MTA3: variants seen among roughly 807,000 people sequenced by gnomAD.
MTA3 encodes metastasis associated 1 family member 3.
A neutral mutation model predicts 83.5 loss-of-function variants in MTA3; 34 were observed. The observed-to-expected ratio is 0.41, with a 90% confidence interval of 0.31 to 0.54. MTA3 has a LOEUF of 0.54. Among genes scored for constraint, MTA3 ranks in the 20% least tolerant of loss-of-function variants. MTA3 has a pLI of 0.33. For synonymous variants in MTA3, 303 were observed against 252.7 expected (o/e 1.20, Z -1.89); for missense variants, 761 against 726.4 (o/e 1.05, Z -0.55).
chr2:42,567,247 A>AG (rs35471199), upstream of MTA3, among the ~76,000 whole-genome samples: 1 of 152,212 alleles, frequency 6.6e-6, no homozygotes, highest in African/African-American at 2.4e-5. Flanking sequence ...ACACCTGTGA[A>AG]GGGGGAACTC....
At position 42,611,956 on chromosome 2, in the gene MTA3, T is replaced by C. The variant is rs574487801; in HGVS notation, c.317+2372T>C. On this transcript the variant is annotated intron_variant, in intron 4 of 16. Coordinates refer to ENST00000405094, the MANE Select transcript of MTA3 (RefSeq NM_001330442.2). ...GGCTGGGACTACAAGTGCTTTCTGC[T>C]ATGGCCTGCTATTTAGGATTTTTAT... Among the ~76,000 whole-genome samples, 46 of 152,190 alleles carry C rather than the reference T, an allele frequency of 3.0e-4. 1 individual carries two copies. Among genetic ancestry groups the C allele is most frequent in the Non-Finnish European group, 5.4e-4 (37 of 68,032 alleles).
intron 14 of MTA3, among the ~76,000 whole-genome samples, chr2:42,718,268 A>G (rs1667166670): frequency 6.6e-6 from 1 of 151,748 alleles, no homozygotes; most frequent in Admixed American, 6.6e-5. Flanking sequence ...TATTATTGAG[A>G]TGGAGTTTCG....
At chr2:42,724,397 C>G (rs1667668944) in intron 16 of MTA3, among the ~76,000 whole-genome samples, 1 of 150,252 alleles carries the variant, frequency 6.7e-6, no homozygotes, top group South Asian at 2.1e-4. Flanking sequence ...TGCTTGTAAT[C>G]CCAACACTTT....
At chr2:42,511,120 A>C (rs1312899354) in intron 2 of MTA3, among the ~76,000 whole-genome samples, 1 of 152,126 alleles carries the variant, frequency 6.6e-6, no homozygotes, top group East Asian at 1.9e-4. Flanking sequence ...TAGAGGAAAG[A>C]CTGGGACTGG....
At chr2:42,587,358 A>G (rs1374989514) in intron 3 of MTA3, among the ~76,000 whole-genome samples, 1 of 152,192 alleles carries the variant, frequency 6.6e-6, no homozygotes, top group African/African-American at 2.4e-5. Context: ...TAAAAGATAC[A>G]AAAATGTATT....
intron 2 of MTA3, among the ~76,000 whole-genome samples, chr2:42,509,082 G>A (rs961179534): frequency 1.3e-5 from 2 of 151,122 alleles, no homozygotes; most frequent in Non-Finnish European, 1.5e-5. Context: ...TTGCTCTGTC[G>A]CCCAGGCTGG....
chr2:42,611,890 G>C (rs569384607), intron 4 of MTA3, among the ~76,000 whole-genome samples: 30 of 152,280 alleles, frequency 2.0e-4, no homozygotes, highest in African/African-American at 6.7e-4. Flanking sequence ...GCCCAGATTG[G>C]TCATGAGCTC....
At position 42,754,414 on chromosome 2, in the gene MTA3, C is replaced by T. The variant is rs1254148340; in HGVS notation, c.*1015C>T. The T allele has an allele frequency of 4.1e-6, 4 of 985,320 alleles. No homozygotes were observed. In the African/African-American group the frequency reaches 7.0e-5, roughly 17 times the overall value. The allele number at this position is 985,320 out of a possible 1,614,324, so 61.0% of individuals were successfully genotyped here. ...CCCAACATCTTGTGAGCACATGTGA[C>T]CTAGGCCCCGGGGGACCTGCCTGCT... On this transcript the variant is annotated 3_prime_UTR_variant, in exon 17 of 17. Transcript: ENST00000405094.
At chr2:42,630,921 A>T (rs746633569) in intron 4 of MTA3, among the ~76,000 whole-genome samples, 1 of 152,192 alleles carries the variant, frequency 6.6e-6, no homozygotes, top group Non-Finnish European at 1.5e-5. Context: ...ACAAGTTTTT[A>T]TGGATATGTT....
At chr2:42,644,644 G>A (rs111503532) in intron 6 of MTA3, among the ~76,000 whole-genome samples, 7 of 152,156 alleles carry the variant, frequency 4.6e-5, no homozygotes, top group African/African-American at 1.4e-4. Flanking sequence ...TAAGTCATTT[G>A]GTGCCATTTT....
chr2:42,554,852 C>T (rs549936448), intron 2 of MTA3, among the ~76,000 whole-genome samples: 1 of 152,154 alleles, frequency 6.6e-6, no homozygotes, highest in Non-Finnish European at 1.5e-5. Context: ...AGGATGGGTT[C>T]ATGGCTGCCT....
chr2:42,573,855 G>A (rs1341115378), intron 2 of MTA3, among the ~76,000 whole-genome samples: 1 of 151,236 alleles, frequency 6.6e-6, no homozygotes, highest in Admixed American at 6.6e-5. Context: ...GTCTCGCTCC[G>A]TCGACCAGGC....
In MTA3 at chr2:42,729,096, T is replaced by TTTTTTTTG. The variant is rs1281088801; in HGVS notation, c.1759+6068_1759+6069insGTTTTTTT. Among the ~76,000 whole-genome samples the TTTTTTTTG allele has an allele frequency of 2.0e-3, 240 of 120,604 alleles. 8 individuals carry two copies. Among genetic ancestry groups the TTTTTTTTG allele is most frequent in the Non-Finnish European group, 3.1e-3 (180 of 58,254 alleles). 79.1% of individuals were successfully genotyped at this position (120,604 alleles called of 152,430 possible). ...AGTTTCACAGTTTGAGTTTTTTTTT[T>TTTTTTTTG]TTTTTTTTTTTTTTTTTCACAGAGT... is the stretch of plus-strand genomic sequence containing the variant. On this transcript the variant is annotated intron_variant, in intron 16 of 16. Coordinates refer to ENST00000405094, the MANE Select transcript of MTA3 (RefSeq NM_001330442.2).
chr2:42,711,325 G>A lies in MTA3; in HGVS notation c.1525+2229G>A, dbSNP rs148073584. On this transcript the variant is annotated intron_variant, in intron 14 of 16. Coordinates refer to ENST00000405094, the MANE Select transcript of MTA3 (RefSeq NM_001330442.2). Reference sequence around the variant, plus strand: ...ATGAAGTATATTTTTCTTTTATCTCGTTCTAATTTTTTTCTCAATTGACGG... The same window carrying A: ...ATGAAGTATATTTTTCTTTTATCTCATTCTAATTTTTTTCTCAATTGACGG... Among the ~76,000 whole-genome samples the A allele has an allele frequency of 2.7e-3, 405 of 151,976 alleles. 8 individuals carry two copies. Among genetic ancestry groups the A allele is most frequent in the Admixed American group, 0.021 (328 of 15,272 alleles).
intron 3 of MTA3, among the ~76,000 whole-genome samples, chr2:42,596,219 A>G (rs1006372107): frequency 3.3e-5 from 5 of 152,222 alleles, no homozygotes; most frequent in Admixed American, 6.5e-5. Context: ...TGAAGTGTGT[A>G]GGCACATAGA....
intron 16 of MTA3, among the ~76,000 whole-genome samples, chr2:42,751,268 A>AG (rs1669853056): frequency 6.6e-6 from 1 of 152,250 alleles, no homozygotes; most frequent in African/African-American, 2.4e-5. Context: ...AAACAAAAAA[A>AG]TAAGTGCCTG....
In MTA3 at chr2:42,568,679, G is replaced by A; in HGVS notation, c.-67G>A. On this transcript the variant is annotated 5_prime_UTR_variant, in exon 1 of 17. Transcript: ENST00000405094. ...GGCGGCGGCAGCGGCGGTCGCGGCT[G>A]AGGCTGAGGAGGAGGCGGCGGCGGC... 1 of 1,168,392 alleles carries A rather than the reference G, an allele frequency of 8.6e-7. No individual in the cohort carries two copies. The highest frequency in any genetic ancestry group is 1.1e-6 in the Non-Finnish European group (1 of 942,538). The allele number at this position is 1,168,392 out of a possible 1,614,324, so 72.4% of individuals were successfully genotyped here.
chr2:42,724,555 G>A (rs1667680799), intron 16 of MTA3, among the ~76,000 whole-genome samples: 1 of 150,774 alleles, frequency 6.6e-6, no homozygotes, highest in South Asian at 2.1e-4. Context: ...GAGGTGGGAG[G>A]ATCGATTGAG....
At chr2:42,539,853 A>C (rs112832893) in intron 2 of MTA3, among the ~76,000 whole-genome samples, 1 of 152,110 alleles carries the variant, frequency 6.6e-6, no homozygotes, top group African/African-American at 2.4e-5. Flanking sequence ...GGTTATAGGC[A>C]TGAGCCACCA....
Sources: allele counts gnomAD v4.1 joint callset (sites outside exome capture counted in the v4.1 genomes callset), GRCh38; gene constraint gnomAD v4.1.1; transcripts MANE v1.5; gene names NCBI Gene and HGNC (gene_info 2026-07-23, HGNC 2026-07-21).